Variants in DGKI observed in about 807,000 individuals in gnomAD.
DGKI encodes the protein diacylglycerol kinase iota.
Under a neutral mutation model 147.5 loss-of-function variants are expected in DGKI, and 55 were observed. The ratio of observed to expected loss-of-function variants is 0.37; its 90% CI spans 0.30 to 0.47. The LOEUF is 0.47. Among genes scored for constraint, DGKI ranks in the 20% least tolerant of loss-of-function variants. The pLI, the probability that DGKI is intolerant of heterozygous loss-of-function variation, is 1.00. For missense variants in DGKI, 1,007 were observed against 1,323.8 expected (o/e 0.76, Z 3.71); for synonymous variants, 469 against 477.1 (o/e 0.98, Z 0.22).
rs11302496 is a variant in DGKI at position 137,625,743 on chromosome 7, T to TAAA, written c.805-2192_805-2190dup. On this transcript the variant is annotated intron_variant, in intron 6 of 32. Coordinates refer to ENST00000614521, the MANE Select transcript of DGKI (RefSeq NM_001321708.2). ...TAAGACCTTATCTCTATATTAAAAT[T>TAAA]AAAAAAAAAAAAAAAAAGACAGAAA... 2.3e-5 allele frequency among the ~76,000 whole-genome samples: 3 copies of TAAA among 128,924 alleles called. No individual in the cohort carries two copies. In the East Asian group the frequency reaches 6.8e-4, roughly 29 times the overall value. 84.6% of individuals were successfully genotyped at this position (128,924 alleles called of 152,430 possible). A position where few individuals can be genotyped will look rare whatever the true frequency, so the allele number is the denominator to read the frequency against.
intron 27 of DGKI, among the ~76,000 whole-genome samples, chr7:137,447,284 T>A (rs1236363752): frequency 6.6e-6 from 1 of 152,122 alleles, no homozygotes; most frequent in Non-Finnish European, 1.5e-5. Flanking sequence ...TACCAGGCCA[T>A]GTGCCAAGGG....
At chr7:137,649,174 C>T (rs554805035) in intron 5 of DGKI, among the ~76,000 whole-genome samples, 2 of 152,102 alleles carry the variant, frequency 1.3e-5, no homozygotes, top group Non-Finnish European at 2.9e-5. Flanking sequence ...ATTTCTTTGA[C>T]GATTAAATCA....
chr7:137,395,145 C>T (rs1811502089), intron 32 of DGKI, among the ~76,000 whole-genome samples: 1 of 152,196 alleles, frequency 6.6e-6, no homozygotes, highest in Non-Finnish European at 1.5e-5. Context: ...ATCCTGGGAG[C>T]TGGGAAAGAA....
At chr7:137,462,726 C>T (rs1814495333) in intron 27 of DGKI, among the ~76,000 whole-genome samples, 1 of 152,100 alleles carries the variant, frequency 6.6e-6, no homozygotes, top group Non-Finnish European at 1.5e-5. Context: ...AACTGGAAAC[C>T]AGCCTAATTT....
At chr7:137,588,942 C>T (rs1474316184) in intron 12 of DGKI, among the ~76,000 whole-genome samples, 1 of 152,166 alleles carries the variant, frequency 6.6e-6, no homozygotes, top group Non-Finnish European at 1.5e-5. Context: ...CTTAGTATCA[C>T]ACAGTTTACA....
intron 27 of DGKI, among the ~76,000 whole-genome samples, chr7:137,452,494 T>G (rs977676486): frequency 6.6e-6 from 1 of 152,202 alleles, no homozygotes; most frequent in African/African-American, 2.4e-5. Flanking sequence ...CACCACTCCT[T>G]ATTGTGAAGT....
At chr7:137,764,635 C>T (rs989785904) in intron 1 of DGKI, among the ~76,000 whole-genome samples, 17 of 152,158 alleles carry the variant, frequency 1.1e-4, no homozygotes, top group Admixed American at 9.2e-4. Context: ...GCAGTATGGC[C>T]TTTCCTCCTG....
At position 137,566,674 on chromosome 7, in the gene DGKI, T is replaced by C. The variant is rs75263021; in HGVS notation, c.1947+4501A>G. 5.8e-3 allele frequency among the ~76,000 whole-genome samples: 887 copies of C among 152,278 alleles called. 6 individuals carry two copies. The highest frequency in any genetic ancestry group is 0.02 in the African/African-American group (849 of 41,564). On this transcript the variant is annotated intron_variant, in intron 19 of 32. Transcript: ENST00000614521. ...TAATTTTAGTATTCCATTTCCTTTTTTGCCAACTACCATCTGCGATTATTT... is the reference window on the plus strand; with the variant it reads ...TAATTTTAGTATTCCATTTCCTTTTCTGCCAACTACCATCTGCGATTATTT...
At chr7:137,649,038 C>T (rs1277247502) in intron 5 of DGKI, among the ~76,000 whole-genome samples, 1 of 152,008 alleles carries the variant, frequency 6.6e-6, no homozygotes, top group African/African-American at 2.4e-5. Flanking sequence ...TTGAGATGTC[C>T]AGCATCCTTC....
intron 6 of DGKI, among the ~76,000 whole-genome samples, chr7:137,645,087 G>A (rs1339894340): frequency 5.9e-5 from 9 of 152,138 alleles, no homozygotes; most frequent in Admixed American, 3.9e-4. Flanking sequence ...AAACAGTTCC[G>A]CCCAAACACA....
At chr7:137,605,394 G>A (rs914466816) in intron 10 of DGKI, among the ~76,000 whole-genome samples, 1 of 145,266 alleles carries the variant, frequency 6.9e-6, no homozygotes, top group Non-Finnish European at 1.5e-5. Context: ...TTGAAATTTT[G>A]GTCCCTGATT....
At chr7:137,756,494 G>A (rs1256555532) in intron 1 of DGKI, among the ~76,000 whole-genome samples, 1 of 152,166 alleles carries the variant, frequency 6.6e-6, no homozygotes, top group Non-Finnish European at 1.5e-5. Flanking sequence ...ATGTGAGAAA[G>A]TAAGATCGGC....
At chr7:137,821,422 T>C (rs1370407680) in intron 1 of DGKI, among the ~76,000 whole-genome samples, 1 of 151,526 alleles carries the variant, frequency 6.6e-6, no homozygotes, top group Non-Finnish European at 1.5e-5. Context: ...AAAGATGAAA[T>C]ACCTAAAAAA....
chr7:137,532,067 A>C (rs926531659), intron 20 of DGKI, among the ~76,000 whole-genome samples: 1 of 152,150 alleles, frequency 6.6e-6, no homozygotes, highest in African/African-American at 2.4e-5. Context: ...ATGTGTTATA[A>C]ATAAAAATAT....
intron 23 of DGKI, among the ~76,000 whole-genome samples, chr7:137,472,157 ATAT>A (rs1197201636): frequency 4.9e-5 from 6 of 121,506 alleles, no homozygotes; most frequent in Non-Finnish European, 7.9e-5. Flanking sequence ...ATACATATAA[ATAT>A]TATATATACA....
chr7:137,776,969 G>C (rs761731506), intron 1 of DGKI, among the ~76,000 whole-genome samples: 4 of 152,122 alleles, frequency 2.6e-5, no homozygotes, highest in Non-Finnish European at 5.9e-5. Context: ...AGAAATGCTT[G>C]AGGCCAAGAG....
At chr7:137,515,490 G>A (rs1026497571) in intron 21 of DGKI, among the ~76,000 whole-genome samples, 1 of 152,124 alleles carries the variant, frequency 6.6e-6, no homozygotes, top group African/African-American at 2.4e-5. Flanking sequence ...ACAAACCTGA[G>A]TGTGATAAAC....
rs115254222 is a variant in DGKI, at chr7:137,782,868, G to T, written c.401+63594C>A. On this transcript the variant is annotated intron_variant, in intron 1 of 32. Coordinates refer to ENST00000614521, the MANE Select transcript of DGKI (RefSeq NM_001321708.2). ...GCTCAGAGCTCTGTAGCTCCACTGG[G>T]TGGCTAGCAAAACAATCACTATAGT... is the stretch of plus-strand genomic sequence containing the variant. 7.7e-3 allele frequency among the ~76,000 whole-genome samples: 1,165 copies of T among 152,256 alleles called. 20 individuals carry two copies. The highest frequency in any genetic ancestry group is 0.027 in the African/African-American group (1,119 of 41,550).
intron 28 of DGKI, among the ~76,000 whole-genome samples, chr7:137,425,769 C>T (rs181565579): frequency 1.5e-4 from 23 of 152,078 alleles, no homozygotes; most frequent in Admixed American, 7.9e-4. Context: ...CCTCGGGAGC[C>T]GATGCGATCA....
Sources: gnomAD v4.1 joint callset for allele counts (sites outside exome capture counted in the v4.1 genomes callset) on GRCh38, gnomAD v4.1.1 for gene constraint, MANE v1.5 for transcripts, NCBI Gene and HGNC (gene_info 2026-07-23, HGNC 2026-07-21) for gene names.